TLL1: variants seen among roughly 807,000 people sequenced by gnomAD.
The protein encoded by TLL1 is tolloid like 1, also known as tolloid-like protein 1.
Under a neutral mutation model 128.2 loss-of-function variants are expected in TLL1, and 49 were observed. That is an observed-to-expected ratio of 0.38 (90% CI 0.30 to 0.48). TLL1 has a LOEUF of 0.48. Ranked by LOEUF, TLL1 falls within the 20% of genes least tolerant of loss-of-function variation. TLL1 has a pLI of 0.96. For missense variants in TLL1, 1,123 were observed against 1,242.0 expected (o/e 0.90, Z 1.44); for synonymous variants, 454 against 418.8 (o/e 1.08, Z -1.03).
rs6815274 is a variant in TLL1 at position 165,930,264 on chromosome 4, T to A, written c.169+56191T>A. ...TAAATGCATAGCAGACACCACTTTT[T>A]CCTCTGGTATGTGTATAGACCTTTG... is the stretch of plus-strand genomic sequence containing the variant. On this transcript the variant is annotated intron_variant, in intron 1 of 20. Transcript: ENST00000061240. 5.4e-3 allele frequency among the ~76,000 whole-genome samples: 827 copies of A among 152,252 alleles called. 8 individuals carry two copies. The highest frequency in any genetic ancestry group is 0.018 in the African/African-American group (734 of 41,542).
chr4:166,065,598 G>C, intron 15 of TLL1, 85 bp from the exon 16 acceptor site: 1 of 1,484,818 alleles, frequency 6.7e-7, no homozygotes, highest in Non-Finnish European at 9.3e-7. Flanking sequence ...AGTAAAATGG[G>C]AAAAATAAGA....
chr4:166,054,860 A>T lies in TLL1; in HGVS notation c.1525-216A>T, dbSNP rs759818289. ...CTGACTCATGTGGATGTACTGTTTC[A>T]TAGTTATTTTTTATCCTTCCCTGTC... On this transcript the variant is annotated intron_variant, in intron 12 of 20. Transcript: ENST00000061240. Among the ~76,000 whole-genome samples, 6 of 151,944 alleles carry T rather than the reference A, an allele frequency of 3.9e-5. No individual in the cohort carries two copies. The South Asian group carries it at 8.3e-4, about 21-fold the overall frequency.
At chr4:166,026,048 T>C (rs1031648476) in intron 9 of TLL1, among the ~76,000 whole-genome samples, 3 of 152,132 alleles carry the variant, frequency 2.0e-5, no homozygotes, top group African/African-American at 7.2e-5. Context: ...ATTGGAAGTA[T>C]GAACAAAGTT....
At chr4:165,924,425 C>T (rs1733178859) in intron 1 of TLL1, among the ~76,000 whole-genome samples, 1 of 152,134 alleles carries the variant, frequency 6.6e-6, no homozygotes, top group Non-Finnish European at 1.5e-5. Context: ...ATCAGTCAAC[C>T]ACAACATTCG....
chr4:166,022,244 A>C (rs114192141), intron 8 of TLL1, among the ~76,000 whole-genome samples: 2,133 of 151,400 alleles, frequency 0.014, 50 homozygotes, highest in African/African-American at 0.049. Context: ...GGCTTACTGC[A>C]ATCTCTGCCT....
intron 1 of TLL1, among the ~76,000 whole-genome samples, chr4:165,943,198 CA>C (rs1195474205): frequency 1.3e-5 from 2 of 151,976 alleles, no homozygotes; most frequent in Admixed American, 6.6e-5. Context: ...TTCTTCCTTG[CA>C]GTCTAATTAT....
intron 8 of TLL1, among the ~76,000 whole-genome samples, chr4:166,020,094 C>G (rs1468263915): frequency 6.6e-6 from 1 of 152,194 alleles, no homozygotes; most frequent in East Asian, 1.9e-4. Context: ...CCTTAGAGCT[C>G]TGGCAGTCTA....
rs578107936 is a variant in TLL1 at position 165,951,449 on chromosome 4, G to A, written c.170-37932G>A. ...AAAAAGTCTGTCTTGGTCATAATTGGCCCATGCACAGCTAATGCCAGTTAT... is the reference window on the plus strand; with the variant it reads ...AAAAAGTCTGTCTTGGTCATAATTGACCCATGCACAGCTAATGCCAGTTAT... On this transcript the variant is annotated intron_variant, in intron 1 of 20. Transcript: ENST00000061240. Among the ~76,000 whole-genome samples, 12 of 152,208 alleles carry A rather than the reference G, an allele frequency of 7.9e-5. No homozygotes were observed. In the South Asian group the frequency reaches 2.5e-3, roughly 32 times the overall value.
intron 19 of TLL1, among the ~76,000 whole-genome samples, chr4:166,093,021 A>C (rs72976358): frequency 0.02 from 3,079 of 152,294 alleles, 87 homozygotes; most frequent in African/African-American, 0.068. Context: ...TATGATTAAC[A>C]TTCCATTGAG....
At chr4:166,042,194 A>G (rs1739269495) in intron 11 of TLL1, 51 bp downstream of exon 11, 4 of 1,215,654 alleles carry the variant, frequency 3.3e-6, no homozygotes, top group Non-Finnish European at 4.9e-6. Context: ...CTCAACAGAA[A>G]TGTTCGTTTC....
At chr4:165,957,758 A>T (rs1232305651) in intron 1 of TLL1, among the ~76,000 whole-genome samples, 2 of 150,466 alleles carry the variant, frequency 1.3e-5, no homozygotes, top group Non-Finnish European at 1.5e-5. Context: ...CATGTGCACA[A>T]TGTGCCAGTT....
chr4:165,985,031 C>A (rs1736339018), intron 1 of TLL1, among the ~76,000 whole-genome samples: 1 of 151,956 alleles, frequency 6.6e-6, no homozygotes, highest in Non-Finnish European at 1.5e-5. Context: ...TTCTCATTCA[C>A]ATTTTTGTGC....
Position 166,101,470 on chromosome 4 carries a change from T to G in TLL1, c.*594T>G, listed in dbSNP as rs1742283909. On this transcript the variant is annotated 3_prime_UTR_variant, in exon 21 of 21. Transcript: ENST00000061240. ...TTTCCACTTGCAGGCCAGCTTAACC[T>G]CTGAAACACAAATGATCTTGAGACC... 6.5e-6 allele frequency: 1 copy of G among 154,504 alleles called. No homozygotes were observed. The highest frequency in any genetic ancestry group is 1.4e-5 in the Non-Finnish European group (1 of 69,738). The allele number at this position is 154,504 out of a possible 1,614,324, so 9.6% of individuals were successfully genotyped here. A position where few individuals can be genotyped will look rare whatever the true frequency, so the allele number is the denominator to read the frequency against.
chr4:166,065,954 G>C, intron 16 of TLL1, 91 bp downstream of exon 16: 1 of 816,256 alleles, frequency 1.2e-6, no homozygotes, highest in South Asian at 1.9e-5. Flanking sequence ...ATAGTTTTCT[G>C]TAAATGCAAC....
chr4:165,894,418 G>A (rs1334063522), intron 1 of TLL1, among the ~76,000 whole-genome samples: 1 of 152,128 alleles, frequency 6.6e-6, no homozygotes, highest in African/African-American at 2.4e-5. Context: ...ACTTAACGGA[G>A]TAACATCTTT....
intron 18 of TLL1, among the ~76,000 whole-genome samples, chr4:166,089,344 A>T (rs766937260): frequency 7.2e-5 from 11 of 152,166 alleles, no homozygotes; most frequent in Non-Finnish European, 1.5e-4. Flanking sequence ...CTGCTATTTC[A>T]TGAGAGGCAG....
intron 2 of TLL1, among the ~76,000 whole-genome samples, chr4:165,991,302 T>G (rs1736626342): frequency 6.6e-6 from 1 of 152,020 alleles, no homozygotes; most frequent in East Asian, 1.9e-4. Flanking sequence ...TTCTAAATTT[T>G]TCTGTGGAAG....
At chr4:166,060,002 T>C (rs1440122636) in intron 14 of TLL1, 26 bp from the exon 15 acceptor site, 2 of 1,613,072 alleles carry the variant, frequency 1.2e-6, no homozygotes, top group Admixed American at 1.7e-5. Context: ...GGGGAGAATA[T>C]ACCTTTTTCT....
chr4:165,924,826 T>G (rs1254559484), intron 1 of TLL1, among the ~76,000 whole-genome samples: 1 of 152,194 alleles, frequency 6.6e-6, no homozygotes, highest in Non-Finnish European at 1.5e-5. Flanking sequence ...AGGCAGCTAA[T>G]GACTTTAAGT....
Sources: gnomAD v4.1 joint callset for allele counts (sites outside exome capture counted in the v4.1 genomes callset) on GRCh38, gnomAD v4.1.1 for gene constraint, MANE v1.5 for transcripts, NCBI Gene and HGNC (gene_info 2026-07-23, HGNC 2026-07-21) for gene names.